KCNQ1OT1: variants seen among roughly 807,000 people sequenced by gnomAD.
The protein encoded by KCNQ1OT1 is KCNQ1 antisense RNA 2 (non-protein coding).
In KCNQ1OT1 at chr11:2,698,949, G is replaced by A. The variant is rs779319084; in HGVS notation, n.1046C>T. ...TAGACCCGAATTCTGATCCCAACTA[G>A]GATACCTAACTCAGAACCACAACGG... On this transcript the variant is annotated non_coding_transcript_exon_variant, in exon 1 of 1. Coordinates refer to ENST00000597346, the Ensembl canonical transcript of KCNQ1OT1. This position sits in a 1 kb window ranked among gnomAD's most constrained non-coding sequence, Gnocchi z 5.1. The A allele has an allele frequency of 7.5e-6, 3 of 398,542 alleles. No individual in the cohort carries two copies. The highest frequency in any genetic ancestry group is 1.3e-5 in the Non-Finnish European group (3 of 226,060). The allele number at this position is 398,542 out of a possible 1,614,324, so 24.7% of individuals were successfully genotyped here. A position where few individuals can be genotyped will look rare whatever the true frequency, so the allele number is the denominator to read the frequency against.
In KCNQ1OT1 at chr11:2,690,712, T is replaced by G; in HGVS notation, n.9283A>C. 1 of 398,632 alleles carries G rather than the reference T, an allele frequency of 2.5e-6. No homozygotes were observed. The highest frequency in any genetic ancestry group is 4.4e-6 in the Non-Finnish European group (1 of 226,078). The allele number at this position is 398,632 out of a possible 1,614,324, so 24.7% of individuals were successfully genotyped here. A position where few individuals can be genotyped will look rare whatever the true frequency, so the allele number is the denominator to read the frequency against. On this transcript the variant is annotated non_coding_transcript_exon_variant, in exon 1 of 1. Transcript: ENST00000597346. The surrounding 1 kb of genome is among the most constrained non-coding windows in gnomAD (Gnocchi z 5.1). ...TCTCAGAATTCCTGAGGGCTTTCCATTTGATCCCAGTGGTTGAAGATGGAG... is the reference window on the plus strand; with the variant it reads ...TCTCAGAATTCCTGAGGGCTTTCCAGTTGATCCCAGTGGTTGAAGATGGAG...
rs1265600070 is a variant in KCNQ1OT1, at chr11:2,697,828, T to A, written n.2167A>T. 8 of 398,552 alleles carry A rather than the reference T, an allele frequency of 2.0e-5. No individual in the cohort carries two copies. In the South Asian group the frequency reaches 6.4e-4, roughly 32 times the overall value. 24.7% of individuals were successfully genotyped at this position (398,552 alleles called of 1,614,324 possible). A position where few individuals can be genotyped will look rare whatever the true frequency, so the allele number is the denominator to read the frequency against. On this transcript the variant is annotated non_coding_transcript_exon_variant, in exon 1 of 1. Transcript: ENST00000597346. ...ATAAGGGAAATTCTTTATAGTTTTC[T>A]TGTGCTTTCTATCTGAATTTGGACA...
chr11:2,636,598 T>G (rs1313058429), exon 1 of KCNQ1OT1: 2 of 152,170 alleles, frequency 1.3e-5, no homozygotes, highest in African/African-American at 2.4e-5. Context: ...AGTATTTTAT[T>G]GAGGATTTTT....
rs1329783816 is a variant in KCNQ1OT1, at chr11:2,699,719, TCCCCGGGGAGAACTGCGCCGAGGAGC to T, written n.250_275del. On this transcript the variant is annotated non_coding_transcript_exon_variant, in exon 1 of 1. Coordinates refer to ENST00000597346, the Ensembl canonical transcript of KCNQ1OT1. ...CCCCGAGGAGAACGGCGCCGAGGAG[TCCCCGGGGAGAACTGCGCCGAGGAGC>T]CCCCAGAAGAGCGCCGCGCTGAGGA... The T allele has an allele frequency of 7.2e-4, 142 of 196,590 alleles. No individual in the cohort carries two copies. The highest frequency in any genetic ancestry group is 1.2e-3 in the Middle Eastern group (1 of 840). The allele number at this position is 196,590 out of a possible 1,614,324, so 12.2% of individuals were successfully genotyped here.
chr11:2,633,330 T>A, exon 1 of KCNQ1OT1: 1 of 398,592 alleles, frequency 2.5e-6, no homozygotes, highest in Non-Finnish European at 4.4e-6. Flanking sequence ...ACAGGATATC[T>A]CTTAATAGTT....
chr11:2,663,675 T>A lies in KCNQ1OT1; in HGVS notation n.36320A>T. The A allele has an allele frequency of 2.5e-6, 1 of 398,702 alleles. No individual in the cohort carries two copies. The highest frequency in any genetic ancestry group is 3.6e-5 in the East Asian group (1 of 28,074). The allele number at this position is 398,702 out of a possible 1,614,324, so 24.7% of individuals were successfully genotyped here. Reference sequence around the variant, plus strand: ...GGAGAGGGCCATCACCCACAGTCCATCTAGCTGGGCAGCCAGGCCTTACCA... The same window carrying A: ...GGAGAGGGCCATCACCCACAGTCCAACTAGCTGGGCAGCCAGGCCTTACCA... On this transcript the variant is annotated non_coding_transcript_exon_variant, in exon 1 of 1. Transcript: ENST00000597346. The surrounding 1 kb of genome is among the most constrained non-coding windows in gnomAD (Gnocchi z 5.2).
rs1223555992 is a variant in KCNQ1OT1, at chr11:2,682,846, C to CA, written n.17148dup. 1 of 398,490 alleles carries CA rather than the reference C, an allele frequency of 2.5e-6. No individual in the cohort carries two copies. The highest frequency in any genetic ancestry group is 3.6e-5 in the East Asian group (1 of 28,078). The allele number at this position is 398,490 out of a possible 1,614,324, so 24.7% of individuals were successfully genotyped here. ...GGGCCTTGTATAGAAGAGACCATCT[C>CA]AGTTTTGTAGACCAGGAAACTGAGG... is the stretch of plus-strand genomic sequence containing the variant. On this transcript the variant is annotated non_coding_transcript_exon_variant, in exon 1 of 1. Transcript: ENST00000597346. This position sits in a 1 kb window ranked among gnomAD's most constrained non-coding sequence, Gnocchi z 5.8.
chr11:2,609,244 AGTAC>A (rs1052017852), exon 1 of KCNQ1OT1: 3 of 398,300 alleles, frequency 7.5e-6, no homozygotes, highest in Middle Eastern at 6.3e-4. Flanking sequence ...TTAATCTCAA[AGTAC>A]GTTCCATTTC....
chr11:2,689,666 G>T, exon 1 of KCNQ1OT1: 1 of 398,662 alleles, frequency 2.5e-6, no homozygotes, highest in Non-Finnish European at 4.4e-6. Context: ...CTCCTGAGAG[G>T]GCCAGGGCAG....
chr11:2,680,040 T>A (rs969925574), exon 1 of KCNQ1OT1: 5 of 395,894 alleles, frequency 1.3e-5, no homozygotes, highest in African/African-American at 2.1e-5. Flanking sequence ...ACTACAGACA[T>A]CTGCCACCAT....
Position 2,658,583 on chromosome 11 carries a change from G to A in KCNQ1OT1, n.41412C>T, listed in dbSNP as rs920364876. ...ATCATCCATTCATCCAGAGAGCCCT[G>A]GCTCCCTGGAGAATGAATAGAAAAC... is the stretch of plus-strand genomic sequence containing the variant. On this transcript the variant is annotated non_coding_transcript_exon_variant, in exon 1 of 1. Coordinates refer to ENST00000597346, the Ensembl canonical transcript of KCNQ1OT1. The surrounding 1 kb of genome is among the most constrained non-coding windows in gnomAD (Gnocchi z 4.9). 18 of 270,858 alleles carry A rather than the reference G, an allele frequency of 6.6e-5. No homozygotes were observed. Among genetic ancestry groups the A allele is most frequent in the Non-Finnish European group, 1.0e-4 (17 of 167,284 alleles). The allele number at this position is 270,858 out of a possible 1,614,324, so 16.8% of individuals were successfully genotyped here. A position where few individuals can be genotyped will look rare whatever the true frequency, so the allele number is the denominator to read the frequency against.
exon 1 of KCNQ1OT1, chr11:2,656,069 A>T (rs1849841648): frequency 7.5e-6 from 3 of 398,522 alleles, no homozygotes; most frequent in Non-Finnish European, 1.3e-5. Flanking sequence ...CAGGCTTTGG[A>T]GATGGGCACT....
exon 1 of KCNQ1OT1, chr11:2,610,704 A>G: frequency 3.7e-6 from 1 of 269,918 alleles, no homozygotes; most frequent in Admixed American, 7.6e-5. Context: ...TGGACACAGT[A>G]TTCTTGGTTG....
rs979971816 is a variant in KCNQ1OT1, at chr11:2,654,112, A to G, written n.45883T>C. On this transcript the variant is annotated non_coding_transcript_exon_variant, in exon 1 of 1. Coordinates refer to ENST00000597346, the Ensembl canonical transcript of KCNQ1OT1. This position sits in a 1 kb window ranked among gnomAD's most constrained non-coding sequence, Gnocchi z 6.4. ...TTACTTCTCGCCTCTGAGTGGAGAC[A>G]CAGGTGGTGGCGGGGCCACTCTGGC... 10 of 398,588 alleles carry G rather than the reference A, an allele frequency of 2.5e-5. No homozygotes were observed. The South Asian group carries it at 1.3e-3, about 51-fold the overall frequency. The allele number at this position is 398,588 out of a possible 1,614,324, so 24.7% of individuals were successfully genotyped here.
At chr11:2,625,869 C>CTTTTGCCCA in exon 1 of KCNQ1OT1, 1 of 398,584 alleles carries the variant, frequency 2.5e-6, no homozygotes, top group Non-Finnish European at 4.4e-6. Context: ...GTGCCTGGCC[C>CTTTTGCCCA]TTTTGCCCAT....
Position 2,647,784 on chromosome 11 carries a change from T to G in KCNQ1OT1, n.52211A>C, listed in dbSNP as rs988806432. 2.5e-6 allele frequency: 1 copy of G among 398,450 alleles called. No individual in the cohort carries two copies. The highest frequency in any genetic ancestry group is 4.4e-6 in the Non-Finnish European group (1 of 226,058). 24.7% of individuals were successfully genotyped at this position (398,450 alleles called of 1,614,324 possible). On this transcript the variant is annotated non_coding_transcript_exon_variant, in exon 1 of 1. Transcript: ENST00000597346. The surrounding 1 kb of genome is among the most constrained non-coding windows in gnomAD (Gnocchi z 4.0). Reference sequence around the variant, plus strand: ...AGGTTTTCTAATTGTTGACATATAGTTGTTCATAATGGTCTCTAATAATCT... The same window carrying G: ...AGGTTTTCTAATTGTTGACATATAGGTGTTCATAATGGTCTCTAATAATCT...
At chr11:2,635,711 T>C (rs1849453668) in exon 1 of KCNQ1OT1, 1 of 152,224 alleles carries the variant, frequency 6.6e-6, no homozygotes, top group Non-Finnish European at 1.5e-5. Context: ...TTTTTCCAAT[T>C]CTGTGAAGAA....
exon 1 of KCNQ1OT1, chr11:2,610,814 T>A (rs1848969077): frequency 3.0e-6 from 1 of 337,334 alleles, no homozygotes; most frequent in Non-Finnish European, 5.2e-6. Flanking sequence ...AAAAGTCAGC[T>A]CCACATTTGT....
exon 1 of KCNQ1OT1, chr11:2,675,745 T>C: frequency 2.5e-6 from 1 of 398,678 alleles, no homozygotes; most frequent in Non-Finnish European, 4.4e-6. Context: ...CAGAGTGACA[T>C]GAACCAGAGA....
Sources: gnomAD v4.1 joint callset for allele counts on GRCh38, gnomAD v4.1.1 for gene constraint, Gnocchi (gnomAD v3.1) non-coding constraint, MANE v1.5 for transcripts, NCBI Gene and HGNC (gene_info 2026-07-23, HGNC 2026-07-21) for gene names.